The following INO80 variants were observed in gnomAD, a reference collection of about 807,000 sequenced individuals.
INO80 encodes chromatin-remodeling ATPase INO80.
INO80 carries 20 observed loss-of-function variants against 203.4 expected under a neutral mutation model. That is an observed-to-expected ratio of 0.10 (90% CI 0.07 to 0.14). The LOEUF (loss-of-function observed/expected upper bound fraction) is 0.14, where lower values mean the gene tolerates loss of function less well. Ranked by LOEUF, INO80 falls within the 10% of genes least tolerant of loss-of-function variation. The pLI is 1.00. For missense variants in INO80, 1,419 were observed against 1,914.4 expected (o/e 0.74, Z 4.83); for synonymous variants, 726 against 685.2 (o/e 1.06, Z -0.93).
At chr15:41,022,242 G>C (rs1188516474) in intron 25 of INO80, among the ~76,000 whole-genome samples, 1 of 152,194 alleles carries the variant, frequency 6.6e-6, no homozygotes, top group Non-Finnish European at 1.5e-5. Context: ...AGAAGCAAAG[G>C]CCACAGCACA....
chr15:41,085,534 G>A lies in INO80; in HGVS notation c.708C>T (p.Ser236=). The change falls in exon 7 of 36, where the codon TCC becomes TCT. Residue 236 remains serine (S), a synonymous_variant. Coordinates refer to ENST00000648947, the MANE Select transcript of INO80 (RefSeq NM_017553.3). ...KKKRRRDEEL[S]SEESPRRHHH... ...GATGGCGACGAGGGGATTCTTCAGA[G>A]GAAAGTTCTTCATCTCTTCGTCTTT... 6.2e-7 allele frequency: 1 copy of A among 1,614,194 alleles called. No homozygotes were observed. Among genetic ancestry groups the A allele is most frequent in the South Asian group, 1.1e-5 (1 of 91,084 alleles).
At position 41,021,079 on chromosome 15, in the gene INO80, T is replaced by C; in HGVS notation, c.3095A>G (p.Glu1032Gly). ...TTCCTTCAGAACTCGCCTTTCATATTCTGCACTTCGGTCATTGCAGTAAGA... is the reference window on the plus strand; with the variant it reads ...TTCCTTCAGAACTCGCCTTTCATATCCTGCACTTCGGTCATTGCAGTAAGA... ...LDSYCNDRSA[E>G]YERRVLKEGG... Residue 1032 changes from glutamate (E) to glycine (G), a missense_variant, in exon 26 of 36, where the codon GAA (glutamate) becomes GGA (glycine). Physicochemically the swap from Glu to Gly is moderately conservative, Grantham distance 98 (BLOSUM62 -2). Coordinates refer to ENST00000648947, the MANE Select transcript of INO80 (RefSeq NM_017553.3). 1 of 1,614,240 alleles carries C rather than the reference T, an allele frequency of 6.2e-7. No homozygotes were observed. Among genetic ancestry groups the C allele is most frequent in the East Asian group, 2.2e-5 (1 of 44,888 alleles).
chr15:41,053,778 T>C (rs936689362), intron 19 of INO80, 151 bp downstream of exon 19: 7 of 486,654 alleles, frequency 1.4e-5, no homozygotes, highest in African/African-American at 5.8e-5. Flanking sequence ...CCTCAATTAT[T>C]TGCCTCATTT....
At position 40,984,286 on chromosome 15, in the gene INO80, C is replaced by T. The variant is rs778447439; in HGVS notation, c.3988G>A (p.Val1330Ile). The T allele has an allele frequency of 8.3e-5, 134 of 1,614,034 alleles. No homozygotes were observed. Among genetic ancestry groups the T allele is most frequent in the Non-Finnish European group, 1.1e-4 (129 of 1,180,002 alleles). Reference protein sequence around the residue: ...KEGVNLVIPFVPSADNSNLSA... With the variant: ...KEGVNLVIPFIPSADNSNLSA... ...AGGTTGGAGTTATCAGCCGAGGGAA[C>T]AAATGGGATCACCAGGTTCACACCC... Residue 1330 changes from valine (V) to isoleucine (I), a missense_variant, in exon 33 of 36, where the codon GTT becomes ATT. This residue lies in a region of INO80 where 214 missense variants were observed against 248.9 expected (regional missense o/e 0.86). Transcript: ENST00000648947.
intron 9 of INO80, among the ~76,000 whole-genome samples, chr15:41,077,163 T>G (rs2045416211): frequency 6.6e-6 from 1 of 151,724 alleles, no homozygotes; most frequent in African/African-American, 2.4e-5. Context: ...CACCTCGGCC[T>G]CCCAAAGTGC....
rs766488649 is a variant in INO80, at chr15:41,100,229, C to A, written c.-43-3876G>T. On this transcript the variant is annotated intron_variant, in intron 1 of 35. Coordinates refer to ENST00000648947, the MANE Select transcript of INO80 (RefSeq NM_017553.3). The stretch of plus-strand genomic sequence containing the variant: ...AGCTGGGACTACAGGCGCCTGCCAC[C>A]ACGCCAGGCTAACTTTTTGTATTTT... Among the ~76,000 whole-genome samples, 14 of 152,186 alleles carry A rather than the reference C, an allele frequency of 9.2e-5. No individual in the cohort carries two copies. In the South Asian group the frequency reaches 2.5e-3, roughly 27 times the overall value.
chr15:41,088,915 G>A (rs775186403), intron 5 of INO80, among the ~76,000 whole-genome samples: 2 of 151,900 alleles, frequency 1.3e-5, no homozygotes, highest in African/African-American at 2.4e-5. Flanking sequence ...TCAGCTGGGC[G>A]CCATGGCTCA....
chr15:41,112,855 C>A (rs1468792387), intron 1 of INO80, among the ~76,000 whole-genome samples: 1 of 148,084 alleles, frequency 6.8e-6, no homozygotes, highest in African/African-American at 2.5e-5. Context: ...CTCCTATTAA[C>A]CCCAACCCAC....
intron 14 of INO80, among the ~76,000 whole-genome samples, chr15:41,060,451 T>A (rs2045082862): frequency 6.6e-6 from 1 of 151,610 alleles, no homozygotes; most frequent in Non-Finnish European, 1.5e-5. Context: ...CCGGGTGTGG[T>A]GGCACGCGCC....
intron 1 of INO80, among the ~76,000 whole-genome samples, chr15:41,115,640 T>C (rs928114305): frequency 2.0e-5 from 3 of 152,030 alleles, no homozygotes; most frequent in Non-Finnish European, 2.9e-5. Flanking sequence ...CCTACACACG[T>C]GTTAGCCCGA....
chr15:41,000,822 G>A (rs1464720036), intron 28 of INO80, among the ~76,000 whole-genome samples: 4 of 151,866 alleles, frequency 2.6e-5, no homozygotes, highest in Non-Finnish European at 5.9e-5. Context: ...ACAAATAGGG[G>A]CTATATACAG....
rs540727710 is a variant in INO80 at position 41,056,518 on chromosome 15, T to C, written c.2070+104A>G. ...TCTTTTATGTGGGGACTATAATTTA[T>C]ACAAAGCAGTAGCACTGCAAGGGAA... On this transcript the variant is annotated intron_variant, in intron 17 of 35. Transcript: ENST00000648947. The C allele has an allele frequency of 1.1e-3, 925 of 858,704 alleles. 4 individuals carry two copies. Among genetic ancestry groups the C allele is most frequent in the Non-Finnish European group, 1.2e-3 (665 of 534,470 alleles). 53.2% of individuals were successfully genotyped at this position (858,704 alleles called of 1,614,324 possible).
chr15:41,071,587 T>C (rs905585218), intron 12 of INO80, among the ~76,000 whole-genome samples: 1 of 151,782 alleles, frequency 6.6e-6, no homozygotes, highest in Non-Finnish European at 1.5e-5. Flanking sequence ...CCCAAGTAGC[T>C]GGGATCACAG....
rs1054413230 is a variant in INO80, at chr15:40,983,874, C to T, written c.4125G>A (p.Glu1375=). Reference sequence around the variant, plus strand: ...CAATGACCAGCATGTCACTGCTGCTCTCGTCCAGGGGAATGGAGCCAGTGT... The same window carrying T: ...CAATGACCAGCATGTCACTGCTGCTTTCGTCCAGGGGAATGGAGCCAGTGT... ...ELHTGSIPLD[E]SSSDMLVIVD... is the part of the protein sequence containing the mutation. The change falls in exon 34 of 36, where the codon GAG becomes GAA. Residue 1375 remains glutamate, a synonymous_variant. Coordinates refer to ENST00000648947, the MANE Select transcript of INO80 (RefSeq NM_017553.3). The T allele has an allele frequency of 2.5e-6, 4 of 1,613,624 alleles. No individual in the cohort carries two copies. Among genetic ancestry groups the T allele is most frequent in the Non-Finnish European group, 3.4e-6 (4 of 1,180,004 alleles).
Position 41,079,889 on chromosome 15 carries a change from T to C in INO80, c.943A>G (p.Met315Val), listed in dbSNP as rs149058589. 3.9e-4 allele frequency: 624 copies of C among 1,613,926 alleles called. 5 individuals are homozygous for C. Among genetic ancestry groups the C allele is most frequent in the Admixed American group, 3.2e-4 (19 of 59,986 alleles). Residue 315 changes from methionine to valine, a missense_variant, in exon 9 of 36, where the codon ATG becomes GTG. Physicochemically the swap from Met to Val is conservative, Grantham distance 21. Around this residue, in one of 9 missense-constraint regions of INO80, gnomAD observed 87 missense variants for 150.5 expected, o/e 0.58. Transcript: ENST00000648947. ...AAGGCAGCTCGACGCACCTCCTTCA[T>C]GCACTGGTGAGCAAGCTGAAAACAA... Reference protein sequence around the residue: ...TNSRKLAHQCMKEVRRAALQA... With the variant: ...TNSRKLAHQCVKEVRRAALQA...
intron 24 of INO80, among the ~76,000 whole-genome samples, chr15:41,043,936 T>A (rs2044710083): frequency 6.6e-6 from 1 of 152,172 alleles, no homozygotes; most frequent in African/African-American, 2.4e-5. Flanking sequence ...CATGGAAATA[T>A]AATTCAAGAT....
At chr15:41,094,469 T>A (rs2045691042) in intron 4 of INO80, among the ~76,000 whole-genome samples, 1 of 152,214 alleles carries the variant, frequency 6.6e-6, no homozygotes, top group South Asian at 2.1e-4. Context: ...AGAAGCCATG[T>A]TTATTTACTT....
At chr15:41,094,396 T>C (rs1381244398) in intron 4 of INO80, among the ~76,000 whole-genome samples, 2 of 152,194 alleles carry the variant, frequency 1.3e-5, no homozygotes, top group African/African-American at 4.8e-5. Flanking sequence ...GAAATGCCGT[T>C]ACCCTGGATA....
chr15:41,111,562 T>C (rs755271319), intron 1 of INO80, among the ~76,000 whole-genome samples: 4 of 152,122 alleles, frequency 2.6e-5, no homozygotes, highest in Non-Finnish European at 5.9e-5. Flanking sequence ...CCCAGCACTT[T>C]GGGAGGCTAA....
Sources: allele counts gnomAD v4.1 joint callset (sites outside exome capture counted in the v4.1 genomes callset), GRCh38; gene constraint gnomAD v4.1.1; regional missense constraint gnomAD v4.1.1; transcripts MANE v1.5; gene names NCBI Gene and HGNC (gene_info 2026-07-23, HGNC 2026-07-21).